Variants in LDAF1 observed in about 807,000 individuals in gnomAD.
The protein encoded by LDAF1 is PROMETHIN.
Under a neutral mutation model 13.5 loss-of-function variants are expected in LDAF1, and 7 were observed. The observed-to-expected ratio is 0.52, with a 90% CI of 0.29 to 0.97. The LOEUF (loss-of-function observed/expected upper bound fraction) is 0.97, where lower values mean the gene tolerates loss of function less well. LDAF1 is among the 50% of genes least tolerant of loss of function. The probability of loss-of-function intolerance (pLI) is 0.07; values close to 1 mark genes in which losing one functional copy is unlikely to be tolerated. For missense variants in LDAF1, 148 were observed against 193.2 expected (o/e 0.77, Z 1.39); for synonymous variants, 69 against 77.1 (o/e 0.89, Z 0.55).
At chr16:21,166,987 G>A (rs2093030400) in intron 2 of LDAF1, 1 of 1,403,832 alleles carries the variant, frequency 7.1e-7, no homozygotes, top group East Asian at 2.5e-5. Context: ...CAGAATGGTG[G>A]GGTAGCAGGA....
In LDAF1 at chr16:21,170,608, A is replaced by G; in HGVS notation, c.265+3A>G. 3.1e-6 allele frequency: 5 copies of G among 1,614,156 alleles called. No homozygotes were observed. Among genetic ancestry groups the G allele is most frequent in the Non-Finnish European group, 4.2e-6 (5 of 1,180,018 alleles). ...GCTGGGGGTCATAATATTGGAAGGT[A>G]GCCTGTTCCGTCATTCACCCCTTTA... On this transcript the variant is annotated splice_donor_region_variant and intron_variant, in intron 3 of 4. Transcript: ENST00000233047.
At chr16:21,159,001 A>AACACACACACACAT (rs1238282095) in intron 1 of LDAF1, among the ~76,000 whole-genome samples, 1 of 137,896 alleles carries the variant, frequency 7.3e-6, no homozygotes, top group African/African-American at 2.7e-5. Context: ...GCCACCCCCC[A>AACACACACACACAT]ACACACACAC....
intron 2 of LDAF1, among the ~76,000 whole-genome samples, chr16:21,169,448 G>A (rs569859655): frequency 1.3e-5 from 2 of 152,144 alleles, no homozygotes; most frequent in South Asian, 2.1e-4. Context: ...AGCTAGGACT[G>A]TGGGTATGTG....
chr16:21,163,421 G>A (rs909967309), intron 2 of LDAF1, among the ~76,000 whole-genome samples: 2 of 152,146 alleles, frequency 1.3e-5, no homozygotes, highest in Admixed American at 6.5e-5. Flanking sequence ...CGAGGCGGGT[G>A]GATCCCTTGA....
In LDAF1 at chr16:21,166,948, G is replaced by A. The variant is rs1482209722; in HGVS notation, c.97-3489G>A. The A allele has an allele frequency of 1.6e-5, 24 of 1,520,442 alleles. No homozygotes were observed. In the Admixed American group the frequency reaches 1.8e-4, roughly 11 times the overall value. The allele number at this position is 1,520,442 out of a possible 1,614,324, so 94.2% of individuals were successfully genotyped here. A position where few individuals can be genotyped will look rare whatever the true frequency, so the allele number is the denominator to read the frequency against. On this transcript the variant is annotated intron_variant, in intron 2 of 4. Coordinates refer to ENST00000233047, the MANE Select transcript of LDAF1 (RefSeq NM_001301771.2). ...TACAGTCATCTCTGGCTAGAGAAGC[G>A]GAATAGCAAGCTCTTTGGTGGCTTT...
intron 1 of LDAF1, 169 bp from the exon 2 acceptor site, chr16:21,160,916 C>T: frequency 1.4e-6 from 1 of 709,676 alleles, no homozygotes; most frequent in East Asian, 3.8e-5. Flanking sequence ...CCATCATGTT[C>T]CTGGAATATA....
chr16:21,177,498 C>T (rs1421317648), intron 4 of LDAF1, among the ~76,000 whole-genome samples: 1 of 151,968 alleles, frequency 6.6e-6, no homozygotes, highest in Non-Finnish European at 1.5e-5. Flanking sequence ...TGCAGATCTT[C>T]CAAATATATT....
intron 3 of LDAF1, among the ~76,000 whole-genome samples, chr16:21,173,714 AAAG>A (rs2093111672): frequency 6.6e-6 from 1 of 152,002 alleles, no homozygotes; most frequent in East Asian, 1.9e-4. Flanking sequence ...CTGTCTCAAA[AAAG>A]AAAAAAAAAA....
intron 4 of LDAF1, chr16:21,178,294 C>T (rs570942752): frequency 3.2e-5 from 32 of 985,334 alleles, no homozygotes; most frequent in Middle Eastern, 1.0e-3. Context: ...TGCAGAGCCA[C>T]CAAACTCACT....
intron 4 of LDAF1, among the ~76,000 whole-genome samples, chr16:21,175,298 C>T (rs2093129166): frequency 2.0e-5 from 3 of 152,194 alleles, no homozygotes; most frequent in Admixed American, 2.0e-4. Context: ...TAATCCTTAA[C>T]AATTTAGCCC....
intron 1 of LDAF1, 148 bp from the exon 2 acceptor site, chr16:21,160,937 T>A: frequency 1.1e-6 from 1 of 929,606 alleles, no homozygotes; most frequent in Non-Finnish European, 1.4e-6. Context: ...AATTCCTGGA[T>A]TGAAGTGTGT....
Position 21,166,589 on chromosome 16 carries a change from C to T in LDAF1, c.97-3848C>T, listed in dbSNP as rs115350131. On this transcript the variant is annotated intron_variant, in intron 2 of 4. Transcript: ENST00000233047. ...GTGTCCCAGCCTCACAAGTTCCTTC[C>T]GCTGCACAGCCCTTCCCTCGCTGGC... Among the ~76,000 whole-genome samples, 1,466 of 152,322 alleles carry T rather than the reference C, an allele frequency of 9.6e-3. 30 individuals carry two copies. Among genetic ancestry groups the T allele is most frequent in the African/African-American group, 0.034 (1,394 of 41,576 alleles).
intron 3 of LDAF1, among the ~76,000 whole-genome samples, chr16:21,172,022 G>A (rs2093093295): frequency 6.6e-6 from 1 of 151,956 alleles, no homozygotes. Flanking sequence ...ACAGGTGTGA[G>A]CCACTGCACC....
At chr16:21,168,006 C>CAAA (rs746968001) in intron 2 of LDAF1, among the ~76,000 whole-genome samples, 1 of 119,642 alleles carries the variant, frequency 8.4e-6, no homozygotes, top group African/African-American at 3.0e-5. Flanking sequence ...AACTCCATCT[C>CAAA]AAAAAAAAAA....
At chr16:21,161,499 TGAG>T (rs1396065819) in intron 2 of LDAF1, among the ~76,000 whole-genome samples, 1 of 152,142 alleles carries the variant, frequency 6.6e-6, no homozygotes, top group Non-Finnish European at 1.5e-5. Context: ...CAACAGGATT[TGAG>T]GAGGGGGGAA....
chr16:21,159,934 A>G, intron 1 of LDAF1: 1 of 985,320 alleles, frequency 1.0e-6, no homozygotes, highest in Non-Finnish European at 1.2e-6. Flanking sequence ...AGGCAGCTTC[A>G]AAGAGAGAAT....
At chr16:21,162,579 C>G (rs1431326039) in intron 2 of LDAF1, among the ~76,000 whole-genome samples, 1 of 152,030 alleles carries the variant, frequency 6.6e-6, no homozygotes, top group Non-Finnish European at 1.5e-5. Flanking sequence ...ACAAAATGAA[C>G]TATTTTGTGG....
chr16:21,170,601 G>A lies in LDAF1; in HGVS notation c.261G>A (p.Leu87=), dbSNP rs1037453869. ...CTGCTCTGCTGGGGGTCATAATATT[G>A]GAAGGTAGCCTGTTCCGTCATTCAC... is the stretch of plus-strand genomic sequence containing the variant. ...TLAALLGVII[L]EGLVISVGGF... is the part of the protein sequence containing the mutation. Residue 87 remains leucine (L), a synonymous_variant, in exon 3 of 5, where the codon TTG becomes TTA. Transcript: ENST00000233047. The A allele has an allele frequency of 6.2e-7, 1 of 1,614,136 alleles. No homozygotes were observed. The highest frequency in any genetic ancestry group is 1.1e-5 in the South Asian group (1 of 91,078).
chr16:21,174,949 T>C lies in LDAF1; in HGVS notation c.404+801T>C, dbSNP rs888933359. Among the ~76,000 whole-genome samples the C allele has an allele frequency of 6.6e-5, 10 of 152,188 alleles. 1 individual carries two copies. The highest frequency in any genetic ancestry group is 1.3e-4 in the Admixed American group (2 of 15,282). ...TGAGTGTGAGCCTCATGTTTGAATA[T>C]ATAGATTTTTGTTCCTACAATATGG... On this transcript the variant is annotated intron_variant, in intron 4 of 4. Transcript: ENST00000233047.
Sources: gnomAD v4.1 joint callset for allele counts (sites outside exome capture counted in the v4.1 genomes callset) on GRCh38, gnomAD v4.1.1 for gene constraint, MANE v1.5 for transcripts, NCBI Gene and HGNC (gene_info 2026-07-23, HGNC 2026-07-21) for gene names.